Variants in FREM2 observed in about 807,000 individuals in gnomAD.
FREM2 encodes the protein FRAS1 related extracellular matrix 2, also known as FRAS1-related extracellular matrix protein 2.
A neutral mutation model predicts 219.9 loss-of-function variants in FREM2; 119 were observed. The ratio of observed to expected loss-of-function variants is 0.54; its 90% CI spans 0.47 to 0.63. The LOEUF (loss-of-function observed/expected upper bound fraction) is 0.63. FREM2 is among the 30% of genes least tolerant of loss of function. FREM2 has a pLI of 0.00. For synonymous variants in FREM2, 1,562 were observed against 1,522.8 expected (o/e 1.03, Z -0.60); for missense variants, 4,030 against 3,993.6 (o/e 1.01, Z -0.25).
chr13:38,813,498 CT>C (rs1310035448), intron 6 of FREM2, among the ~76,000 whole-genome samples: 219 of 16,672 alleles, frequency 0.013, 12 homozygotes, highest in African/African-American at 0.047. Context: ...CTCTCTCTCT[CT>C]CTCTCTCTCT....
chr13:38,852,779 A>G (rs1191929567), intron 11 of FREM2, among the ~76,000 whole-genome samples: 1 of 148,330 alleles, frequency 6.7e-6, no homozygotes, highest in East Asian at 2.0e-4. Flanking sequence ...ATCACAGCTC[A>G]CTGCAGTCTC....
Position 38,687,754 on chromosome 13 carries a change from G to C in FREM2, c.410G>C (p.Arg137Pro), listed in dbSNP as rs1869547038. Residue 137 changes from arginine to proline, a missense_variant, in exon 1 of 24, where the codon CGC becomes CCC. By Grantham distance (103) the Arg-to-Pro change is moderately radical. Coordinates refer to ENST00000280481, the MANE Select transcript of FREM2 (RefSeq NM_207361.6). ...FPCDFGPGEV[R>P]YSHLGARSPS... ...TGCGACTTTGGCCCTGGCGAGGTGC[G>C]CTACTCTCACCTGGGCGCGCGCAGC... 6.5e-7 allele frequency: 1 copy of C among 1,543,142 alleles called. No homozygotes were observed. The highest frequency in any genetic ancestry group is 1.4e-5 in the African/African-American group (1 of 73,244).
intron 6 of FREM2, among the ~76,000 whole-genome samples, chr13:38,810,574 A>G (rs912300577): frequency 6.6e-6 from 1 of 152,068 alleles, no homozygotes; most frequent in African/African-American, 2.4e-5. Context: ...ATTGAAAAAA[A>G]CATATGGTTT....
At chr13:38,879,254 G>T (rs1180802840) in intron 23 of FREM2, among the ~76,000 whole-genome samples, 1 of 152,158 alleles carries the variant, frequency 6.6e-6, no homozygotes, top group African/African-American at 2.4e-5. Context: ...ATTATTTTAA[G>T]ACTATGTGTA....
rs1332077954 is a variant in FREM2 at position 38,751,216 on chromosome 13, T to TTC, written c.5264-13086_5264-13085dup. ...TCTTTTTTTTTTTTTTTTGAGGAAC[T>TTC]TCTGTATTGTTTTTCATAAGGGCTG... On this transcript the variant is annotated intron_variant, in intron 2 of 23. Transcript: ENST00000280481. 2.7e-5 allele frequency among the ~76,000 whole-genome samples: 4 copies of TTC among 148,188 alleles called. No individual in the cohort carries two copies. The East Asian group carries it at 6.0e-4, about 22-fold the overall frequency.
intron 2 of FREM2, among the ~76,000 whole-genome samples, chr13:38,738,578 A>T (rs1220729733): frequency 6.7e-6 from 1 of 150,122 alleles, no homozygotes; most frequent in South Asian, 2.1e-4. Context: ...AAAAAAAAAA[A>T]AAAAAAAAAA....
At chr13:38,781,702 C>T (rs1459904160) in intron 4 of FREM2, among the ~76,000 whole-genome samples, 15 of 152,112 alleles carry the variant, frequency 9.9e-5, no homozygotes, top group African/African-American at 3.1e-4. Context: ...ACAAATAGCA[C>T]ACTGAAAATG....
chr13:38,784,506 T>C (rs1222379448), intron 5 of FREM2, 51 bp from the exon 6 acceptor site: 17 of 1,602,618 alleles, frequency 1.1e-5, no homozygotes, highest in South Asian at 6.6e-5. Context: ...TCTGGAAATA[T>C]CTTTGTCTTA....
chr13:38,811,468 G>T (rs1875472629), intron 6 of FREM2, among the ~76,000 whole-genome samples: 3 of 151,826 alleles, frequency 2.0e-5, no homozygotes, highest in Admixed American at 2.0e-4. Flanking sequence ...GTACTGCTTT[G>T]CTGTATCCCA....
intron 6 of FREM2, among the ~76,000 whole-genome samples, chr13:38,812,342 T>C (rs956261774): frequency 5.9e-5 from 9 of 152,146 alleles, no homozygotes; most frequent in Non-Finnish European, 5.9e-5. Context: ...TTTTGTTATT[T>C]GTTTTCTGGA....
At chr13:38,863,329 T>C (rs573341456) in intron 15 of FREM2, among the ~76,000 whole-genome samples, 7 of 152,122 alleles carry the variant, frequency 4.6e-5, no homozygotes, top group Non-Finnish European at 7.4e-5. Flanking sequence ...GGATTACAGA[T>C]GTGAGCCACC....
intron 15 of FREM2, among the ~76,000 whole-genome samples, chr13:38,861,843 A>G (rs2137923044): frequency 6.6e-6 from 1 of 152,336 alleles, no homozygotes; most frequent in Non-Finnish European, 1.5e-5. Context: ...AAGAGTACAA[A>G]TGCATCTTCA....
chr13:38,687,278 G>A lies in FREM2; in HGVS notation c.-67G>A. The A allele has an allele frequency of 6.4e-7, 1 of 1,550,590 alleles. No individual in the cohort carries two copies. The highest frequency in any genetic ancestry group is 1.2e-5 in the South Asian group (1 of 84,168). ...CTGGCACTTCCCGGCGGTGTCTCTTGTTGTCTGCCCGGGGACCGACTTCGC... is the reference window on the plus strand; with the variant it reads ...CTGGCACTTCCCGGCGGTGTCTCTTATTGTCTGCCCGGGGACCGACTTCGC... On this transcript the variant is annotated 5_prime_UTR_variant, in exon 1 of 24. Transcript: ENST00000280481.
intron 1 of FREM2, among the ~76,000 whole-genome samples, chr13:38,695,628 T>A (rs1044672810): frequency 6.6e-6 from 1 of 152,224 alleles, no homozygotes; most frequent in Admixed American, 6.5e-5. Context: ...GAGGGTCTTC[T>A]CCACATGGCC....
chr13:38,690,981 C>G lies in FREM2; in HGVS notation c.3637C>G (p.Leu1213Val), dbSNP rs1318560872. Residue 1213 changes from leucine to valine, a missense_variant, in exon 1 of 24, where the codon CTC (leucine) becomes GTC (valine). This residue lies in a region of FREM2 where 3,102 missense variants were observed against 2,950.7 expected (regional missense o/e 1.05). Coordinates refer to ENST00000280481, the MANE Select transcript of FREM2 (RefSeq NM_207361.6). ...GMSLVIDTPI[L>V]NAADADVPLD... Reference sequence around the variant, plus strand: ...GAGTCTGGTAATTGATACACCCATTCTCAATGCTGCTGATGCTGATGTTCC... The same window carrying G: ...GAGTCTGGTAATTGATACACCCATTGTCAATGCTGCTGATGCTGATGTTCC... The G allele has an allele frequency of 1.9e-6, 3 of 1,613,940 alleles. No homozygotes were observed. Among genetic ancestry groups the G allele is most frequent in the African/African-American group, 1.3e-5 (1 of 74,920 alleles).
At chr13:38,747,806 T>A (rs1293796433) in intron 2 of FREM2, among the ~76,000 whole-genome samples, 1 of 152,200 alleles carries the variant, frequency 6.6e-6, no homozygotes, top group Non-Finnish European at 1.5e-5. Context: ...CAATGTGCTT[T>A]CAGAATTTGT....
chr13:38,707,565 A>G (rs1222070453), intron 2 of FREM2, among the ~76,000 whole-genome samples: 1 of 152,156 alleles, frequency 6.6e-6, no homozygotes. Context: ...TTTTTAGCAC[A>G]GGAAGGTTTA....
intron 4 of FREM2, among the ~76,000 whole-genome samples, chr13:38,782,435 T>C (rs916185735): frequency 6.6e-6 from 1 of 152,132 alleles, no homozygotes; most frequent in Non-Finnish European, 1.5e-5. Context: ...CTGTCAGGAG[T>C]GAAAGGGAGC....
At chr13:38,755,844 T>A (rs1453507976) in intron 2 of FREM2, among the ~76,000 whole-genome samples, 1 of 152,260 alleles carries the variant, frequency 6.6e-6, no homozygotes, top group Non-Finnish European at 1.5e-5. Context: ...ATTCATTCCA[T>A]GCATATCACT....
Sources: gnomAD v4.1 joint callset for allele counts (sites outside exome capture counted in the v4.1 genomes callset) on GRCh38, gnomAD v4.1.1 for gene constraint, gnomAD v4.1.1 regional missense constraint, MANE v1.5 for transcripts, NCBI Gene and HGNC (gene_info 2026-07-23, HGNC 2026-07-21) for gene names.